Variants in EDIL3 observed in about 807,000 individuals in gnomAD.
The protein encoded by EDIL3 is EGF like and discoidin domains 3, also known as EGF-like repeat and discoidin I-like domain-containing protein 3.
EDIL3 carries 37 observed loss-of-function variants against 67.4 expected under a neutral mutation model. That is an observed-to-expected ratio of 0.55 (90% CI 0.42 to 0.72). The LOEUF is 0.72. Among genes scored for constraint, EDIL3 ranks in the 30% least tolerant of loss-of-function variants. The pLI, the probability that EDIL3 is intolerant of heterozygous loss-of-function variation, is 0.00. For missense variants in EDIL3, 527 were observed against 586.3 expected, an observed-to-expected ratio of 0.90 and a Z score of 1.04; for synonymous variants, 195 against 196.3, an observed-to-expected ratio of 0.99 and a Z score of 0.05.
intron 5 of EDIL3, among the ~76,000 whole-genome samples, chr5:84,126,801 G>A (rs1393313370): frequency 6.6e-6 from 1 of 152,048 alleles, no homozygotes; most frequent in South Asian, 2.1e-4. Flanking sequence ...CTTGCATTAA[G>A]CACTCACAGA....
chr5:84,312,340 C>A (rs1167332298), intron 1 of EDIL3, among the ~76,000 whole-genome samples: 1 of 144,370 alleles, frequency 6.9e-6, no homozygotes, highest in African/African-American at 2.6e-5. Context: ...GGGGCTGACC[C>A]CCCCACCTCC....
chr5:83,971,244 C>T (rs886636536), intron 9 of EDIL3, among the ~76,000 whole-genome samples: 1 of 150,428 alleles, frequency 6.6e-6, no homozygotes, highest in African/African-American at 2.4e-5. Context: ...TATTACTCCT[C>T]TATTATGTCA....
chr5:84,368,571 A>G (rs997761849), intron 1 of EDIL3, among the ~76,000 whole-genome samples: 6 of 151,980 alleles, frequency 3.9e-5, no homozygotes, highest in African/African-American at 1.5e-4. Context: ...AGATTTGGCA[A>G]TGATTTCTTT....
chr5:83,991,135 T>A (rs1478910682), intron 9 of EDIL3, among the ~76,000 whole-genome samples: 1 of 152,144 alleles, frequency 6.6e-6, no homozygotes, highest in Non-Finnish European at 1.5e-5. Context: ...TAAACATGTA[T>A]ATTCTTTGCT....
chr5:84,154,936 G>T (rs1054187928), intron 4 of EDIL3, among the ~76,000 whole-genome samples: 1 of 151,942 alleles, frequency 6.6e-6, no homozygotes. Context: ...CTGACTTCAG[G>T]CAATCCTCCT....
At chr5:84,288,832 T>A (rs573345899) in intron 1 of EDIL3, among the ~76,000 whole-genome samples, 11 of 152,230 alleles carry the variant, frequency 7.2e-5, no homozygotes, top group African/African-American at 2.6e-4. Flanking sequence ...TTGTTTATTG[T>A]CTCTCTTCCC....
At chr5:84,147,156 C>G (rs2112326227) in intron 4 of EDIL3, among the ~76,000 whole-genome samples, 1 of 151,896 alleles carries the variant, frequency 6.6e-6, no homozygotes, top group Non-Finnish European at 1.5e-5. Context: ...TGTATCTAAA[C>G]TTTATAGTAA....
At chr5:84,362,290 T>A (rs1747626440) in intron 1 of EDIL3, among the ~76,000 whole-genome samples, 1 of 152,096 alleles carries the variant, frequency 6.6e-6, no homozygotes, top group African/African-American at 2.4e-5. Context: ...TTGCTTTAAT[T>A]TTCTTTAGTA....
At position 84,269,311 on chromosome 5, in the gene EDIL3, A is replaced by C. The variant is rs116801047; in HGVS notation, c.68-15099T>G. Among the ~76,000 whole-genome samples the C allele has an allele frequency of 7.1e-3, 1,074 of 152,248 alleles. 17 individuals are homozygous for C. The highest frequency in any genetic ancestry group is 0.025 in the African/African-American group (1,024 of 41,564). On this transcript the variant is annotated intron_variant, in intron 1 of 10. Transcript: ENST00000296591. ...TACTATTGGACATTTAGGAGGCTTT[A>C]ATTTTTTCCTTTTACAAAGTATTTA...
chr5:84,180,355 CAAT>C (rs758533936), intron 4 of EDIL3, 35 bp downstream of exon 4: 1 of 1,538,678 alleles, frequency 6.5e-7, no homozygotes, highest in African/African-American at 1.4e-5. Context: ...ACTTTGTAAT[CAAT>C]AATAATAAAA....
At chr5:84,235,004 G>C (rs918591355) in intron 2 of EDIL3, among the ~76,000 whole-genome samples, 1 of 152,070 alleles carries the variant, frequency 6.6e-6, no homozygotes, top group South Asian at 2.1e-4. Context: ...GGAAGCAGAG[G>C]CATTACTAAA....
intron 1 of EDIL3, among the ~76,000 whole-genome samples, chr5:84,294,309 C>A (rs138387035): frequency 2.1e-5 from 3 of 146,220 alleles, no homozygotes; most frequent in Middle Eastern, 3.7e-3. Context: ...GGCATGAACC[C>A]GGGAGGTGGA....
intron 1 of EDIL3, among the ~76,000 whole-genome samples, chr5:84,330,165 A>C (rs1265974025): frequency 6.6e-6 from 1 of 152,192 alleles, no homozygotes; most frequent in Non-Finnish European, 1.5e-5. Flanking sequence ...TAAGTAAGAC[A>C]GAGACTAACA....
chr5:84,058,825 G>A (rs1287978794), intron 9 of EDIL3, among the ~76,000 whole-genome samples: 1 of 152,076 alleles, frequency 6.6e-6, no homozygotes, highest in Non-Finnish European at 1.5e-5. Flanking sequence ...ATGCTTTCTA[G>A]GTTCATCACA....
intron 1 of EDIL3, among the ~76,000 whole-genome samples, chr5:84,284,975 T>G (rs1174616914): frequency 1.3e-5 from 2 of 152,166 alleles, no homozygotes; most frequent in South Asian, 4.1e-4. Context: ...CTGTGATGGG[T>G]TGAAGTTTAG....
intron 2 of EDIL3, among the ~76,000 whole-genome samples, chr5:84,233,791 C>T (rs551911855): frequency 2.6e-5 from 4 of 152,286 alleles, no homozygotes; most frequent in Admixed American, 2.6e-4. Context: ...CCCCTTCTCA[C>T]TCTCCTTTAG....
chr5:84,351,627 C>G (rs547108164), intron 1 of EDIL3, among the ~76,000 whole-genome samples: 2 of 152,254 alleles, frequency 1.3e-5, no homozygotes, highest in South Asian at 4.1e-4. Flanking sequence ...GTATTGGACA[C>G]TCAGTTGCAT....
intron 6 of EDIL3, among the ~76,000 whole-genome samples, chr5:84,083,696 C>T (rs753644012): frequency 1.3e-5 from 2 of 151,812 alleles, no homozygotes; most frequent in African/African-American, 4.8e-5. Flanking sequence ...TAAAGTTGTC[C>T]GTTAGGTACC....
At chr5:84,080,542 G>A (rs930057673) in intron 6 of EDIL3, among the ~76,000 whole-genome samples, 1 of 151,872 alleles carries the variant, frequency 6.6e-6, no homozygotes, top group African/African-American at 2.4e-5. Flanking sequence ...TCCCCAATCT[G>A]TTTTCTTTTC....
Sources: allele counts gnomAD v4.1 joint callset (sites outside exome capture counted in the v4.1 genomes callset), GRCh38; gene constraint gnomAD v4.1.1; transcripts MANE v1.5; gene names NCBI Gene and HGNC (gene_info 2026-07-23, HGNC 2026-07-21).